AKAP9: variants seen among roughly 807,000 people sequenced by gnomAD.
AKAP9 encodes the protein A-kinase anchor protein 9.
A neutral mutation model predicts 488.5 loss-of-function variants in AKAP9; 311 were observed. The observed-to-expected ratio is 0.64, with a 90% CI of 0.58 to 0.70. The LOEUF is 0.70. AKAP9 is among the 30% of genes least tolerant of loss of function. The pLI is 0.00. For synonymous variants in AKAP9, 1,462 were observed against 1,483.5 expected (o/e 0.99, Z 0.33); for missense variants, 4,215 against 4,374.5 (o/e 0.96, Z 1.03).
At chr7:92,094,541 A>AG (rs1166905100) in intron 39 of AKAP9, among the ~76,000 whole-genome samples, 2 of 146,144 alleles carry the variant, frequency 1.4e-5, no homozygotes, top group African/African-American at 5.1e-5. Flanking sequence ...CTCAAAAAAA[A>AG]AGAAAAAAGA....
intron 49 of AKAP9, 130 bp downstream of exon 49, chr7:92,108,763 T>G: frequency 8.9e-7 from 1 of 1,129,096 alleles, no homozygotes; most frequent in Non-Finnish European, 1.3e-6. Context: ...AATTATTAAG[T>G]TAGCCAAAGC....
At chr7:92,052,992 T>C in intron 22 of AKAP9, 34 bp downstream of exon 22, 1 of 1,499,488 alleles carries the variant, frequency 6.7e-7, no homozygotes, top group Non-Finnish European at 9.3e-7. Flanking sequence ...TGTACTGAGT[T>C]TGAAGTACAA....
At chr7:92,025,041 G>A (rs1256269628) in intron 14 of AKAP9, among the ~76,000 whole-genome samples, 1 of 152,072 alleles carries the variant, frequency 6.6e-6, no homozygotes, top group East Asian at 1.9e-4. Flanking sequence ...AATTTGGAGA[G>A]TCATACTCAA....
rs1276584952 is a variant in AKAP9 at position 92,061,617 on chromosome 7, TATAA to T, written c.5764+197_5764+200del. ...ATATATATATATATATATATATATATATAAAATTATAAAAAGAATTTATAGAGTT... is the reference window on the plus strand; with the variant it reads ...ATATATATATATATATATATATATATAATTATAAAAAGAATTTATAGAGTT... On this transcript the variant is annotated intron_variant, in intron 23 of 49. Transcript: ENST00000356239. Among the ~76,000 whole-genome samples, 38 of 139,202 alleles carry T rather than the reference TATAA, an allele frequency of 2.7e-4. 1 individual carries two copies. Among genetic ancestry groups the T allele is most frequent in the African/African-American group, 8.2e-4 (31 of 37,768 alleles). 91.3% of individuals were successfully genotyped at this position (139,202 alleles called of 152,430 possible).
intron 1 of AKAP9, among the ~76,000 whole-genome samples, chr7:91,954,663 G>C (rs953478391): frequency 6.6e-6 from 1 of 152,088 alleles, no homozygotes; most frequent in Non-Finnish European, 1.5e-5. Context: ...TAGCCTAGAG[G>C]CTCCCAAATT....
chr7:92,003,314 C>T, intron 8 of AKAP9, 79 bp downstream of exon 8: 2 of 1,063,324 alleles, frequency 1.9e-6, no homozygotes, highest in South Asian at 2.7e-5. Context: ...CTTCATAGAA[C>T]ATAAGTTCAT....
intron 1 of AKAP9, among the ~76,000 whole-genome samples, chr7:91,963,360 C>T (rs1793972924): frequency 6.6e-6 from 1 of 152,018 alleles, no homozygotes; most frequent in Admixed American, 6.6e-5. Context: ...TAGTGATTAG[C>T]TATTTCTGAT....
chr7:92,086,132 G>C, intron 36 of AKAP9, 96 bp from the exon 37 acceptor site: 1 of 1,040,898 alleles, frequency 9.6e-7, no homozygotes, highest in Non-Finnish European at 1.4e-6. Flanking sequence ...CATGCTCCTA[G>C]GCTTTTAATT....
chr7:92,042,540 C>T lies in AKAP9; in HGVS notation c.5059-128C>T, dbSNP rs1352152762. ...GAGTGTAGTTAAATATTATACCAAC[C>T]AGTATCAATTTTGTGCACAGAGGTT... On this transcript the variant is annotated intron_variant, in intron 19 of 49. Coordinates refer to ENST00000356239, the MANE Select transcript of AKAP9 (RefSeq NM_005751.5). The T allele has an allele frequency of 5.9e-6, 4 of 675,938 alleles. No individual in the cohort carries two copies. The East Asian group carries it at 8.1e-5, about 14-fold the overall frequency. The allele number at this position is 675,938 out of a possible 1,614,324, so 41.9% of individuals were successfully genotyped here. A position where few individuals can be genotyped will look rare whatever the true frequency, so the allele number is the denominator to read the frequency against.
intron 11 of AKAP9, 44 bp downstream of exon 11, chr7:92,016,311 T>C: frequency 7.5e-7 from 1 of 1,326,400 alleles, no homozygotes; most frequent in Non-Finnish European, 1.0e-6. Context: ...TTAATCCTCT[T>C]AAATTAATTG....
chr7:91,982,574 C>G (rs1796571569), intron 3 of AKAP9, among the ~76,000 whole-genome samples: 1 of 152,160 alleles, frequency 6.6e-6, no homozygotes, highest in Non-Finnish European at 1.5e-5. Context: ...GCCACATTTT[C>G]TTTATCCAGT....
chr7:91,942,633 T>C (rs560582052), intron 1 of AKAP9, among the ~76,000 whole-genome samples: 155 of 152,318 alleles, frequency 1.0e-3, no homozygotes, highest in African/African-American at 3.7e-3. Flanking sequence ...CAGAAATGTC[T>C]TTCCTGAATA....
chr7:92,010,773 C>T (rs1305890036), intron 8 of AKAP9, among the ~76,000 whole-genome samples: 1 of 152,160 alleles, frequency 6.6e-6, no homozygotes, highest in Non-Finnish European at 1.5e-5. Flanking sequence ...CTCATCTCAG[C>T]CTCCTAAGTA....
chr7:92,003,978 G>A (rs1799489938), intron 8 of AKAP9, among the ~76,000 whole-genome samples: 1 of 152,140 alleles, frequency 6.6e-6, no homozygotes, highest in Admixed American at 6.5e-5. Context: ...TACGAATATA[G>A]TGGCCAACAA....
At chr7:92,066,380 T>C in intron 25 of AKAP9, 47 bp from the exon 26 acceptor site, 1 of 1,606,710 alleles carries the variant, frequency 6.2e-7, no homozygotes, top group Non-Finnish European at 8.5e-7. Context: ...ATAGCTTCTC[T>C]AAATACTGTT....
At chr7:92,064,960 A>G (rs943926222) in intron 24 of AKAP9, among the ~76,000 whole-genome samples, 3 of 150,442 alleles carry the variant, frequency 2.0e-5, no homozygotes, top group Non-Finnish European at 4.4e-5. Context: ...GTCATTTGCT[A>G]TGTTGTTTTC....
At chr7:91,990,352 T>C (rs1584738031) in intron 3 of AKAP9, among the ~76,000 whole-genome samples, 1 of 152,082 alleles carries the variant, frequency 6.6e-6, no homozygotes, top group Admixed American at 6.5e-5. Flanking sequence ...AATTTATTGT[T>C]AACTATTAAT....
At chr7:91,984,903 G>T (rs1796872397) in intron 3 of AKAP9, among the ~76,000 whole-genome samples, 1 of 152,124 alleles carries the variant, frequency 6.6e-6, no homozygotes. Context: ...ATTGTGAATG[G>T]GAATTCACTC....
intron 1 of AKAP9, among the ~76,000 whole-genome samples, chr7:91,941,911 T>TGTGTGTGA (rs1339851308): frequency 6.6e-6 from 1 of 151,806 alleles, no homozygotes; most frequent in Non-Finnish European, 1.5e-5. Context: ...TGTGTGTGTG[T>TGTGTGTGA]GAACGGTTAT....
Sources: allele counts gnomAD v4.1 joint callset (sites outside exome capture counted in the v4.1 genomes callset), GRCh38; gene constraint gnomAD v4.1.1; transcripts MANE v1.5; gene names NCBI Gene and HGNC (gene_info 2026-07-23, HGNC 2026-07-21).